The following TP53BP2 variants were observed in gnomAD, a reference collection of about 807,000 sequenced individuals.
TP53BP2 encodes the protein tumor protein p53 binding protein 2, also known as apoptosis-stimulating of p53 protein 2.
A neutral mutation model predicts 126.2 loss-of-function variants in TP53BP2; 62 were observed. That is an observed-to-expected ratio of 0.49 (90% CI 0.40 to 0.61). The LOEUF is 0.61. Among genes scored for constraint, TP53BP2 ranks in the 20% least tolerant of loss-of-function variants. The pLI is 0.00. For synonymous variants in TP53BP2, 485 were observed against 502.9 expected, an observed-to-expected ratio of 0.96 and a Z score of 0.48; for missense variants, 1,215 against 1,402.8, an observed-to-expected ratio of 0.87 and a Z score of 2.14.
At chr1:223,828,806 A>G (rs1267045986) in intron 1 of TP53BP2, among the ~76,000 whole-genome samples, 2 of 152,218 alleles carry the variant, frequency 1.3e-5, no homozygotes, top group African/African-American at 2.4e-5. Flanking sequence ...CAAAAAGTTG[A>G]TAACTGCCAA....
rs780460434 is a variant in TP53BP2 at position 223,796,342 on chromosome 1, TAGAC to T, written c.2193_2196del (p.Ser732ThrfsTer6). 5.6e-6 allele frequency: 9 copies of T among 1,614,214 alleles called. No individual in the cohort carries two copies. The highest frequency in any genetic ancestry group is 1.3e-5 in the African/African-American group (1 of 75,060). On this transcript the variant is annotated frameshift_variant, in exon 13 of 18. Coordinates refer to ENST00000343537, the MANE Select transcript of TP53BP2 (RefSeq NM_001031685.3). LOFTEE classifies it high-confidence loss of function. The surrounding 1 kb of genome is among the most constrained non-coding windows in gnomAD (Gnocchi z 4.2). ...CGTTTCTTTAGAGGCCTTGGTGCGTTAGACAGTTTCTTTCGTAAGGCTTCTAGGT... is the reference window on the plus strand; with the variant it reads ...CGTTTCTTTAGAGGCCTTGGTGCGTTAGTTTCTTTCGTAAGGCTTCTAGGT...
chr1:223,821,804 T>A, intron 1 of TP53BP2, among the ~76,000 whole-genome samples: 1 of 152,126 alleles, frequency 6.6e-6, no homozygotes, highest in East Asian at 1.9e-4. Context: ...GCTTCTGAAG[T>A]GGAAGCAGGA....
At chr1:223,804,057 G>T in intron 6 of TP53BP2, 117 bp downstream of exon 6, 1 of 1,056,770 alleles carries the variant, frequency 9.5e-7, no homozygotes, top group Non-Finnish European at 1.4e-6. Context: ...GCTGAGGTGG[G>T]AGGATCACTT....
chr1:223,789,503 C>A (rs985791701), intron 15 of TP53BP2, among the ~76,000 whole-genome samples: 4 of 152,126 alleles, frequency 2.6e-5, no homozygotes, highest in African/African-American at 9.7e-5. Flanking sequence ...AGTTCTATGT[C>A]CTGGAGCATC....
At chr1:223,783,465 ATT>A (rs1273980048) in intron 17 of TP53BP2, among the ~76,000 whole-genome samples, 1 of 152,132 alleles carries the variant, frequency 6.6e-6, no homozygotes, top group Admixed American at 6.6e-5. Context: ...TACCCTGATC[ATT>A]TCTCTCACTC....
At chr1:223,841,235 G>A (rs1664093161) in intron 1 of TP53BP2, among the ~76,000 whole-genome samples, 1 of 99,970 alleles carries the variant, frequency 1.0e-5, no homozygotes, top group Admixed American at 1.0e-4. Flanking sequence ...AGAGTGGTGA[G>A]ACTCCGTCTC....
chr1:223,802,779 G>T lies in TP53BP2; in HGVS notation c.948C>A (p.Asp316Glu). 6.2e-7 allele frequency: 1 copy of T among 1,614,030 alleles called. No homozygotes were observed. The highest frequency in any genetic ancestry group is 8.5e-7 in the Non-Finnish European group (1 of 1,179,992). Residue 316 changes from aspartate (D) to glutamate (E), a missense_variant, in exon 8 of 18, where the codon GAC becomes GAA. By Grantham distance (45) the Asp-to-Glu change is conservative. This residue lies in a region of TP53BP2 where 814 missense variants were observed against 853.0 expected (regional missense o/e 0.95). Transcript: ENST00000343537. ...VMDKRVNELRDRLWKKKAALQ... is the reference protein window; with the variant it reads ...VMDKRVNELRERLWKKKAALQ... ...GAGCTGCCTTCTTCTTCCACAGCCGGTCCCTCAGCTCATTAACACGCTTAT... is the reference window on the plus strand; with the variant it reads ...GAGCTGCCTTCTTCTTCCACAGCCGTTCCCTCAGCTCATTAACACGCTTAT...
rs755564193 is a variant in TP53BP2, at chr1:223,802,246, C to T, written c.1095G>A (p.Met365Ile). 1.2e-6 allele frequency: 2 copies of T among 1,614,178 alleles called. No individual in the cohort carries two copies. The highest frequency in any genetic ancestry group is 1.7e-5 in the Admixed American group (1 of 60,012). ...TCACCAGCAATTCAGGCCTTGAGGG[C>T]ATCCGAGGCATAGTAGACGACTGGA... Reference protein sequence around the residue: ...PYIQSSTMPRMPSRPELLVKP... With the variant: ...PYIQSSTMPRIPSRPELLVKP... Residue 365 changes from methionine (M) to isoleucine (I), a missense_variant, in exon 9 of 18, where the codon ATG (methionine) becomes ATA (isoleucine). By Grantham distance (10) the Met-to-Ile change is conservative. Transcript: ENST00000343537.
intron 16 of TP53BP2, among the ~76,000 whole-genome samples, chr1:223,784,560 G>T (rs1054356770): frequency 2.6e-5 from 4 of 152,052 alleles, no homozygotes; most frequent in African/African-American, 9.7e-5. Context: ...CTAAAACCTA[G>T]CACTTTATAA....
Position 223,784,101 on chromosome 1 carries a change from T to C in TP53BP2, c.3363+14A>G, listed in dbSNP as rs1171276143. The C allele has an allele frequency of 1.9e-6, 3 of 1,612,990 alleles. No individual in the cohort carries two copies. The stretch of plus-strand genomic sequence containing the variant: ...GGCACATATGAAAACACCGTAAGCG[T>C]CAGAATAACTTACTCCCAGCAAGTT... On this transcript the variant is annotated intron_variant, in intron 17 of 17. Transcript: ENST00000343537.
At chr1:223,810,194 A>C (rs1269703624) in intron 4 of TP53BP2, among the ~76,000 whole-genome samples, 1 of 152,154 alleles carries the variant, frequency 6.6e-6, no homozygotes, top group Admixed American at 6.5e-5. Flanking sequence ...ACTTCCTCAA[A>C]CTTGCTCAGC....
rs201088312 is a variant in TP53BP2, at chr1:223,800,012, T to G, written c.1372A>C (p.Lys458Gln). ...DGEVPLREKE[K>Q]KVRPFSMFDA... The stretch of plus-strand genomic sequence containing the variant: ...AACATTGAGAACGGACGCACTTTCT[T>G]CTCTTTCTCCCTCAGCGGAACCTCT... Residue 458 changes from lysine (K) to glutamine (Q), a missense_variant, in exon 11 of 18, where the codon AAG becomes CAG. Physicochemically the swap from Lys to Gln is moderately conservative, Grantham distance 53. Coordinates refer to ENST00000343537, the MANE Select transcript of TP53BP2 (RefSeq NM_001031685.3). 1.2e-6 allele frequency: 2 copies of G among 1,611,710 alleles called. No homozygotes were observed. Among genetic ancestry groups the G allele is most frequent in the East Asian group, 4.5e-5 (2 of 44,820 alleles).
At chr1:223,830,857 G>A (rs944547666) in intron 1 of TP53BP2, among the ~76,000 whole-genome samples, 1 of 152,202 alleles carries the variant, frequency 6.6e-6, no homozygotes, top group African/African-American at 2.4e-5. Flanking sequence ...CCAGAACTTT[G>A]GGAGGCCGAG....
intron 1 of TP53BP2, among the ~76,000 whole-genome samples, chr1:223,840,122 G>A (rs1664058322): frequency 6.6e-6 from 1 of 152,126 alleles, no homozygotes; most frequent in South Asian, 2.1e-4. Context: ...TTTAAAATTT[G>A]CATTTCTTTA....
chr1:223,841,729 G>C (rs948701669), intron 1 of TP53BP2, among the ~76,000 whole-genome samples: 3 of 151,974 alleles, frequency 2.0e-5, no homozygotes, highest in Non-Finnish European at 4.4e-5. Context: ...AGGAGATACT[G>C]TAATATCCCA....
chr1:223,813,092 A>G (rs1339535156), intron 3 of TP53BP2, among the ~76,000 whole-genome samples: 3 of 152,122 alleles, frequency 2.0e-5, no homozygotes, highest in East Asian at 1.9e-4. Context: ...CCCAGTGTCT[A>G]CTGCTGCTTC....
At chr1:223,837,968 C>G (rs973514349) in intron 1 of TP53BP2, among the ~76,000 whole-genome samples, 11 of 150,358 alleles carry the variant, frequency 7.3e-5, no homozygotes, top group African/African-American at 2.7e-4. Flanking sequence ...AGTGCTTCCT[C>G]CCGGCCTCTG....
chr1:223,789,112 G>T lies in TP53BP2; in HGVS notation c.3059C>A (p.Ser1020Ter). 6.2e-7 allele frequency: 1 copy of T among 1,614,158 alleles called. No individual in the cohort carries two copies. The highest frequency in any genetic ancestry group is 8.5e-7 in the Non-Finnish European group (1 of 1,180,024). Residue 1020 changes from serine to a stop codon, truncating the protein, a stop_gained, in exon 16 of 18, where the codon TCA becomes TAA. Coordinates refer to ENST00000343537, the MANE Select transcript of TP53BP2 (RefSeq NM_001031685.3). LOFTEE classifies it high-confidence loss of function. ...NVQVCKFLVE[S>*]GAAVFAMTYS... The stretch of plus-strand genomic sequence containing the variant: ...GGTCATGGCAAACACAGCGGCTCCT[G>T]ACTCCACCAAAAACTTACACACTTG...
chr1:223,829,242 G>C (rs1056908036), intron 1 of TP53BP2, among the ~76,000 whole-genome samples: 1 of 152,300 alleles, frequency 6.6e-6, no homozygotes, highest in East Asian at 1.9e-4. Context: ...GCTGAGGTGG[G>C]AGGGTCACCT....
Sources: gnomAD v4.1 joint callset for allele counts (sites outside exome capture counted in the v4.1 genomes callset) on GRCh38, gnomAD v4.1.1 for gene constraint, gnomAD v4.1.1 regional missense constraint, Gnocchi (gnomAD v3.1) non-coding constraint, MANE v1.5 for transcripts, NCBI Gene and HGNC (gene_info 2026-07-23, HGNC 2026-07-21) for gene names.